Variants in LRRC75A observed in about 807,000 individuals in gnomAD.
LRRC75A encodes leucine rich repeat containing 75A.
In LRRC75A, 12 loss-of-function variants were observed where a neutral mutation model predicts 26.0. The ratio of observed to expected loss-of-function variants is 0.46; its 90% CI spans 0.30 to 0.75. The LOEUF (loss-of-function observed/expected upper bound fraction) is 0.75, where lower values mean the gene tolerates loss of function less well. Ranked by LOEUF, LRRC75A falls within the 30% of genes least tolerant of loss-of-function variation. The pLI, the probability that LRRC75A is intolerant of heterozygous loss-of-function variation, is 0.08. For synonymous variants in LRRC75A, 223 were observed against 219.3 expected (o/e 1.02, Z -0.15); for missense variants, 410 against 486.6 (o/e 0.84, Z 1.48).
Position 16,443,888 on chromosome 17 carries a change from G to A in LRRC75A, c.735C>T (p.Ala245=), listed in dbSNP as rs762419354. ...LALNGNRLTR[A]VLRDLTDILK... The stretch of plus-strand genomic sequence containing the variant: ...GGATGTCAGTGAGGTCGCGCAGCAC[G>A]GCCCGGGTCAACCGGTTGCCATTGA... Residue 245 remains alanine (A), a synonymous_variant, in exon 4 of 4, where the codon GCC becomes GCT. Transcript: ENST00000470794. 37 of 1,613,242 alleles carry A rather than the reference G, an allele frequency of 2.3e-5. 2 individuals carry two copies. In the East Asian group the frequency reaches 2.7e-4, roughly 12 times the overall value.
intron 1 of LRRC75A, among the ~76,000 whole-genome samples, chr17:16,474,099 G>A (rs1477330019): frequency 1.3e-5 from 2 of 152,190 alleles, no homozygotes; most frequent in African/African-American, 2.4e-5. Flanking sequence ...TAAGTTGGGA[G>A]GCGCATCAAG....
Position 16,462,167 on chromosome 17 carries a change from C to T in LRRC75A, c.375+91G>A. Reference sequence around the variant, plus strand: ...GGCTTGTCCTCCTTGGGCCTGTCTGCCAGTCCTCCTTGGGCATACAGCTGC... The same window carrying T: ...GGCTTGTCCTCCTTGGGCCTGTCTGTCAGTCCTCCTTGGGCATACAGCTGC... On this transcript the variant is annotated intron_variant, in intron 2 of 3. Coordinates refer to ENST00000470794, the MANE Select transcript of LRRC75A (RefSeq NM_001113567.3). This position sits in a 1 kb window ranked among gnomAD's most constrained non-coding sequence, Gnocchi z 4.6. The T allele has an allele frequency of 1.4e-6, 2 of 1,403,256 alleles. No individual in the cohort carries two copies. The highest frequency in any genetic ancestry group is 1.9e-6 in the Non-Finnish European group (2 of 1,028,762). 86.9% of individuals were successfully genotyped at this position (1,403,256 alleles called of 1,614,324 possible). A position where few individuals can be genotyped will look rare whatever the true frequency, so the allele number is the denominator to read the frequency against.
chr17:16,443,235 G>A lies in LRRC75A; in HGVS notation c.*353C>T, dbSNP rs1047441572. ...GCCCTACTGTATTCTTTTTCTGGGG[G>A]AAAGCTCTTGGTGTTCACAATGGCT... On this transcript the variant is annotated 3_prime_UTR_variant, in exon 4 of 4. Coordinates refer to ENST00000470794, the MANE Select transcript of LRRC75A (RefSeq NM_001113567.3). The A allele has an allele frequency of 2.7e-5, 7 of 262,770 alleles. No individual in the cohort carries two copies. The highest frequency in any genetic ancestry group is 6.9e-5 in the East Asian group (1 of 14,444). 16.3% of individuals were successfully genotyped at this position (262,770 alleles called of 1,614,324 possible).
At chr17:16,476,942 G>T (rs371803367) in intron 1 of LRRC75A, among the ~76,000 whole-genome samples, 27 of 151,616 alleles carry the variant, frequency 1.8e-4, no homozygotes, top group Admixed American at 4.6e-4. Context: ...GTTTCACCGT[G>T]TTAGCCAGGA....
Position 16,443,809 on chromosome 17 carries a change from C to T in LRRC75A, c.814G>A (p.Val272Met), listed in dbSNP as rs775774729. ...GGCTGGGGCAAGGAGAAGATGTCCA[C>T]GTTGTTGCCCAGGTCAATCCACGTG... is the stretch of plus-strand genomic sequence containing the variant. ...NVTWIDLGNN[V>M]DIFSLPQPFL... The change falls in exon 4 of 4, where the codon GTG (valine) becomes ATG (methionine). Residue 272 changes from valine (V) to methionine (M), a missense_variant. By Grantham distance (21) the Val-to-Met change is conservative. Transcript: ENST00000470794. 3.0e-5 allele frequency: 48 copies of T among 1,613,774 alleles called. No homozygotes were observed. The highest frequency in any genetic ancestry group is 3.9e-5 in the Non-Finnish European group (46 of 1,179,772).
intron 1 of LRRC75A, among the ~76,000 whole-genome samples, chr17:16,485,638 G>GTGTGTGTGTGTC: frequency 8.1e-6 from 1 of 122,954 alleles, no homozygotes; most frequent in African/African-American, 3.7e-5. Context: ...AGCAGTGTGT[G>GTGTGTGTGTGTC]TGTGTGTGTG....
At chr17:16,477,260 C>T (rs1182914571) in intron 1 of LRRC75A, among the ~76,000 whole-genome samples, 1 of 152,262 alleles carries the variant, frequency 6.6e-6, no homozygotes, top group East Asian at 1.9e-4. Flanking sequence ...TTGGGCACCA[C>T]AACCTAGCTA....
intron 3 of LRRC75A, among the ~76,000 whole-genome samples, chr17:16,444,974 G>C (rs2093569287): frequency 6.6e-6 from 1 of 150,716 alleles, no homozygotes; most frequent in African/African-American, 2.5e-5. Flanking sequence ...TCAGCTTCCT[G>C]AGTAGCTGGG....
intron 2 of LRRC75A, among the ~76,000 whole-genome samples, chr17:16,451,489 C>T (rs1035496104): frequency 6.6e-6 from 1 of 151,718 alleles, no homozygotes; most frequent in Non-Finnish European, 1.5e-5. Flanking sequence ...GGCGTGACGG[C>T]GGGCGCCTGT....
At chr17:16,477,160 C>T (rs1487558216) in intron 1 of LRRC75A, among the ~76,000 whole-genome samples, 1 of 152,156 alleles carries the variant, frequency 6.6e-6, no homozygotes, top group Non-Finnish European at 1.5e-5. Flanking sequence ...TCTGGGATTA[C>T]AGGCATAAGC....
At chr17:16,461,360 C>G (rs2093726037) in intron 2 of LRRC75A, 1 of 152,288 alleles carries the variant, frequency 6.6e-6, no homozygotes, top group African/African-American at 2.4e-5. Flanking sequence ...GGAAGCACTT[C>G]TTTTGGAAGC....
chr17:16,479,329 G>A (rs2093828190), intron 1 of LRRC75A, among the ~76,000 whole-genome samples: 1 of 152,224 alleles, frequency 6.6e-6, no homozygotes, highest in African/African-American at 2.4e-5. Flanking sequence ...ATTGCCTCAG[G>A]TGATTTGAGA....
intron 2 of LRRC75A, among the ~76,000 whole-genome samples, chr17:16,459,999 C>T (rs1434017441): frequency 2.0e-5 from 3 of 152,114 alleles, no homozygotes; most frequent in Non-Finnish European, 4.4e-5. Flanking sequence ...TTGGTATCTC[C>T]CCAGAATTCA....
At chr17:16,480,629 C>CAAAAAAAA (rs749950024) in intron 1 of LRRC75A, among the ~76,000 whole-genome samples, 3 of 81,430 alleles carry the variant, frequency 3.7e-5, no homozygotes, top group African/African-American at 1.4e-4. Flanking sequence ...GACTTCGTCT[C>CAAAAAAAA]AAAAAAAAAA....
rs932461323 is a variant in LRRC75A at position 16,462,632 on chromosome 17, G to A, written c.247-246C>T. On this transcript the variant is annotated intron_variant, in intron 1 of 3. Transcript: ENST00000470794. The surrounding 1 kb of genome is among the most constrained non-coding windows in gnomAD (Gnocchi z 4.6). ...CAGTTTGTGCAGGTCCTGGCTTGTG[G>A]CCCTCTCCTAGGACAGCCCCTGACC... 3.9e-5 allele frequency among the ~76,000 whole-genome samples: 6 copies of A among 152,206 alleles called. No individual in the cohort carries two copies. Among genetic ancestry groups the A allele is most frequent in the African/African-American group, 1.4e-4 (6 of 41,452 alleles).
intron 1 of LRRC75A, among the ~76,000 whole-genome samples, chr17:16,487,353 C>T (rs1407927831): frequency 2.6e-5 from 4 of 152,222 alleles, no homozygotes; most frequent in African/African-American, 9.6e-5. Flanking sequence ...TCATTATGCT[C>T]ATCTTTCTGC....
At chr17:16,450,535 C>CTGTGTGTCACTCT (rs1204575706) in intron 2 of LRRC75A, among the ~76,000 whole-genome samples, 1 of 152,174 alleles carries the variant, frequency 6.6e-6, no homozygotes, top group African/African-American at 2.4e-5. Flanking sequence ...CCTGTCACTC[C>CTGTGTGTCACTCT]TGTGTGTCAC....
At chr17:16,479,661 C>T (rs1036457701) in intron 1 of LRRC75A, among the ~76,000 whole-genome samples, 1 of 152,234 alleles carries the variant, frequency 6.6e-6, no homozygotes. Flanking sequence ...ACCCCCAAGT[C>T]CTTGGTTTTC....
intron 1 of LRRC75A, among the ~76,000 whole-genome samples, chr17:16,466,746 T>C (rs551923424): frequency 1.6e-3 from 245 of 152,250 alleles, no homozygotes; most frequent in Non-Finnish European, 3.1e-3. Flanking sequence ...GGAGCTTGGA[T>C]AAACAGGTCT....
Sources: gnomAD v4.1 joint callset for allele counts (sites outside exome capture counted in the v4.1 genomes callset) on GRCh38, gnomAD v4.1.1 for gene constraint, Gnocchi (gnomAD v3.1) non-coding constraint, MANE v1.5 for transcripts, NCBI Gene and HGNC (gene_info 2026-07-23, HGNC 2026-07-21) for gene names.